The following VPS13B variants were observed in gnomAD, a reference collection of about 807,000 sequenced individuals.
VPS13B encodes the protein vacuolar protein sorting 13 homolog B.
VPS13B carries 285 observed loss-of-function variants against 426.4 expected under a neutral mutation model. That is an observed-to-expected ratio of 0.67 (90% CI 0.61 to 0.74). The LOEUF (loss-of-function observed/expected upper bound fraction) is 0.74, where lower values mean the gene tolerates loss of function less well. Ranked by LOEUF, VPS13B falls within the 30% of genes least tolerant of loss-of-function variation. The probability of loss-of-function intolerance (pLI) is 0.00; values close to 1 mark genes in which losing one functional copy is unlikely to be tolerated. For synonymous variants in VPS13B, 1,676 were observed against 1,676.4 expected (o/e 1.00, Z 0.01); for missense variants, 4,537 against 4,782.6 (o/e 0.95, Z 1.51).
chr8:99,296,150 A>G (rs1274249717), intron 19 of VPS13B, among the ~76,000 whole-genome samples: 1 of 152,216 alleles, frequency 6.6e-6, no homozygotes, highest in Non-Finnish European at 1.5e-5. Context: ...CCATCTGTAC[A>G]TTATGTAAAT....
chr8:99,807,861 T>C (rs1334622384), intron 43 of VPS13B, among the ~76,000 whole-genome samples: 1 of 147,602 alleles, frequency 6.8e-6, no homozygotes, highest in Non-Finnish European at 1.5e-5. Flanking sequence ...TTAAAAATAA[T>C]GTATTCAGAT....
At chr8:99,528,217 A>C (rs947310433) in intron 30 of VPS13B, among the ~76,000 whole-genome samples, 6 of 152,044 alleles carry the variant, frequency 3.9e-5, no homozygotes, top group African/African-American at 1.4e-4. Flanking sequence ...CTTGATTTTC[A>C]TGGTTTTTAA....
intron 43 of VPS13B, among the ~76,000 whole-genome samples, chr8:99,794,180 A>G (rs190954400): frequency 1.3e-3 from 202 of 152,366 alleles, no homozygotes; most frequent in African/African-American, 4.6e-3. Flanking sequence ...CTAGACATCC[A>G]AATGGACATG....
intron 5 of VPS13B, among the ~76,000 whole-genome samples, chr8:99,104,469 G>A (rs1424489317): frequency 3.3e-5 from 5 of 152,078 alleles, no homozygotes; most frequent in Non-Finnish European, 7.4e-5. Context: ...TGAAGGCAAG[G>A]CAATATATCT....
chr8:99,485,329 A>G (rs1027230710), intron 25 of VPS13B, among the ~76,000 whole-genome samples: 6 of 152,206 alleles, frequency 3.9e-5, no homozygotes, highest in African/African-American at 1.4e-4. Flanking sequence ...CAGTGTAACA[A>G]TGTTATTTAA....
chr8:99,134,796 T>TA, intron 9 of VPS13B, 69 bp downstream of exon 9: 3 of 1,327,816 alleles, frequency 2.3e-6, no homozygotes, highest in South Asian at 2.6e-5. Flanking sequence ...ATACCTGTTT[T>TA]TATCAGATGT....
At chr8:99,050,332 G>A (rs1843466848) in intron 3 of VPS13B, among the ~76,000 whole-genome samples, 1 of 152,062 alleles carries the variant, frequency 6.6e-6, no homozygotes, top group African/African-American at 2.4e-5. Flanking sequence ...ATGGTTTCCA[G>A]CTTCATCCAT....
intron 35 of VPS13B, among the ~76,000 whole-genome samples, chr8:99,685,478 G>A (rs1197895921): frequency 1.3e-5 from 2 of 152,132 alleles, no homozygotes; most frequent in Non-Finnish European, 2.9e-5. Flanking sequence ...GTTCCTTGTG[G>A]CTTTAATATT....
chr8:99,455,037 A>T (rs1459466338), intron 23 of VPS13B, among the ~76,000 whole-genome samples: 1 of 152,102 alleles, frequency 6.6e-6, no homozygotes, highest in South Asian at 2.1e-4. Context: ...GTTTTGTCAG[A>T]TATTTTCTCC....
chr8:99,315,794 G>A (rs567319011), intron 19 of VPS13B, among the ~76,000 whole-genome samples: 29 of 152,010 alleles, frequency 1.9e-4, no homozygotes, highest in African/African-American at 5.1e-4. Flanking sequence ...CTGCCACCGC[G>A]CCCGGTTAAT....
At chr8:99,312,195 A>T (rs563467825) in intron 19 of VPS13B, among the ~76,000 whole-genome samples, 12 of 152,226 alleles carry the variant, frequency 7.9e-5, no homozygotes, top group Admixed American at 4.6e-4. Flanking sequence ...TTATGTGTGA[A>T]TTTGATCCTG....
chr8:99,084,940 G>A (rs1213271509), intron 3 of VPS13B, among the ~76,000 whole-genome samples: 1 of 152,150 alleles, frequency 6.6e-6, no homozygotes, highest in African/African-American at 2.4e-5. Flanking sequence ...GTTGATTTGG[G>A]GTGGAGAGTT....
chr8:99,420,400 G>C (rs759555829), intron 21 of VPS13B, among the ~76,000 whole-genome samples: 17 of 152,124 alleles, frequency 1.1e-4, no homozygotes, highest in Non-Finnish European at 2.2e-4. Context: ...CTGATTTTGA[G>C]TAATTTTATC....
intron 54 of VPS13B, among the ~76,000 whole-genome samples, chr8:99,845,803 T>C (rs985136224): frequency 6.6e-6 from 1 of 152,204 alleles, no homozygotes; most frequent in African/African-American, 2.4e-5. Context: ...GCAGGCCTTA[T>C]GTTTTCCCGA....
At chr8:99,052,515 G>T (rs1441835907) in intron 3 of VPS13B, among the ~76,000 whole-genome samples, 1 of 130,246 alleles carries the variant, frequency 7.7e-6, no homozygotes, top group Non-Finnish European at 1.6e-5. Flanking sequence ...GTCTCTGCCA[G>T]ACTTTGGTAT....
chr8:99,296,759 A>G (rs569170988), intron 19 of VPS13B, among the ~76,000 whole-genome samples: 1 of 152,138 alleles, frequency 6.6e-6, no homozygotes, highest in Admixed American at 6.5e-5. Context: ...GGAAGCACTC[A>G]TCTTTCCTTA....
chr8:99,630,542 G>A (rs1828799328), intron 33 of VPS13B, among the ~76,000 whole-genome samples: 1 of 151,804 alleles, frequency 6.6e-6, no homozygotes, highest in African/African-American at 2.4e-5. Flanking sequence ...GGAATCTAAT[G>A]AGCACCTTGC....
At chr8:99,095,492 ACT>A (rs1379241441) in intron 3 of VPS13B, among the ~76,000 whole-genome samples, 27 of 152,160 alleles carry the variant, frequency 1.8e-4, no homozygotes, top group African/African-American at 6.3e-4. Context: ...AAACAGAATG[ACT>A]CTTTTTATAC....
At chr8:99,342,796 T>C (rs1405000504) in intron 19 of VPS13B, among the ~76,000 whole-genome samples, 1 of 152,150 alleles carries the variant, frequency 6.6e-6, no homozygotes, top group Admixed American at 6.6e-5. Flanking sequence ...GTAATCTTAT[T>C]TTTAGTTTTT....
Sources: gnomAD v4.1 joint callset for allele counts (sites outside exome capture counted in the v4.1 genomes callset) on GRCh38, gnomAD v4.1.1 for gene constraint, MANE v1.5 for transcripts, NCBI Gene and HGNC (gene_info 2026-07-23, HGNC 2026-07-21) for gene names.